The following CNTN4 variants were observed in gnomAD, a reference collection of about 807,000 sequenced individuals.
The protein encoded by CNTN4 is contactin 4, also known as contactin-4.
A neutral mutation model predicts 122.5 loss-of-function variants in CNTN4; 77 were observed. That is an observed-to-expected ratio of 0.63 (90% CI 0.52 to 0.76). CNTN4 has a LOEUF of 0.76. Among genes scored for constraint, CNTN4 ranks in the 30% least tolerant of loss-of-function variants. The probability of loss-of-function intolerance (pLI) is 0.00; values close to 1 mark genes in which losing one functional copy is unlikely to be tolerated. For synonymous variants in CNTN4, 512 were observed against 447.0 expected (o/e 1.15, Z -1.83); for missense variants, 1,256 against 1,259.1 (o/e 1.00, Z 0.04).
At chr3:2,164,164 C>G (rs1197185614) in intron 2 of CNTN4, among the ~76,000 whole-genome samples, 1 of 150,928 alleles carries the variant, frequency 6.6e-6, no homozygotes, top group Non-Finnish European at 1.5e-5. Flanking sequence ...ACCCCCACAA[C>G]TATTGAAATA....
At chr3:2,518,870 T>C in intron 3 of CNTN4, among the ~76,000 whole-genome samples, 1 of 152,086 alleles carries the variant, frequency 6.6e-6, no homozygotes, top group Non-Finnish European at 1.5e-5. Context: ...TACAGATTTT[T>C]CACATTTACA....
At chr3:2,329,473 C>G (rs778620419) in intron 2 of CNTN4, among the ~76,000 whole-genome samples, 2 of 152,198 alleles carry the variant, frequency 1.3e-5, no homozygotes, top group Non-Finnish European at 2.9e-5. Context: ...ATGCTTTACA[C>G]CTTACATTTT....
intron 12 of CNTN4, among the ~76,000 whole-genome samples, chr3:2,907,965 A>T (rs927102653): frequency 6.6e-6 from 1 of 152,164 alleles, no homozygotes; most frequent in Non-Finnish European, 1.5e-5. Context: ...CTTGTCTGTG[A>T]CTGAACTATG....
At chr3:2,399,309 T>C (rs1331871956) in intron 3 of CNTN4, among the ~76,000 whole-genome samples, 2 of 152,212 alleles carry the variant, frequency 1.3e-5, no homozygotes, top group African/African-American at 2.4e-5. Context: ...TAGTGTCTTA[T>C]GTTATTTTTG....
intron 2 of CNTN4, among the ~76,000 whole-genome samples, chr3:2,127,376 T>G (rs2034226739): frequency 6.6e-6 from 1 of 152,128 alleles, no homozygotes; most frequent in Non-Finnish European, 1.5e-5. Context: ...TTTAATAAAC[T>G]CAATATTTGA....
chr3:2,993,299 ATT>A (rs576176618), intron 14 of CNTN4, among the ~76,000 whole-genome samples: 4 of 143,866 alleles, frequency 2.8e-5, no homozygotes, highest in Non-Finnish European at 3.1e-5. Context: ...AGACTGTGTA[ATT>A]TTTTTTTTTT....
intron 13 of CNTN4, among the ~76,000 whole-genome samples, chr3:2,940,662 G>A (rs2094607165): frequency 1.3e-5 from 2 of 152,088 alleles, no homozygotes; most frequent in Admixed American, 1.3e-4. Context: ...ATCAATTATT[G>A]TGGGAAATGA....
At chr3:2,133,002 C>G (rs1174528609) in intron 2 of CNTN4, among the ~76,000 whole-genome samples, 1 of 151,802 alleles carries the variant, frequency 6.6e-6, no homozygotes, top group Non-Finnish European at 1.5e-5. Flanking sequence ...AAAAACAAGA[C>G]AATGAAACAA....
chr3:2,685,589 C>G (rs972394328), intron 4 of CNTN4, among the ~76,000 whole-genome samples: 4 of 152,074 alleles, frequency 2.6e-5, no homozygotes, highest in Non-Finnish European at 5.9e-5. Flanking sequence ...ATTAAAAACC[C>G]AAGTAATCTT....
At chr3:2,099,964 A>T (rs999225012) in intron 1 of CNTN4, among the ~76,000 whole-genome samples, 4 of 152,186 alleles carry the variant, frequency 2.6e-5, no homozygotes, top group Non-Finnish European at 4.4e-5. Context: ...CCAGCCAGAG[A>T]GTCGGCTGCA....
chr3:2,734,395 G>T (rs1280186991), intron 4 of CNTN4, among the ~76,000 whole-genome samples: 1 of 152,098 alleles, frequency 6.6e-6, no homozygotes, highest in Non-Finnish European at 1.5e-5. Context: ...AAGAATCACT[G>T]GCCTAGTCTA....
At chr3:2,154,924 C>G (rs2035654095) in intron 2 of CNTN4, among the ~76,000 whole-genome samples, 1 of 152,212 alleles carries the variant, frequency 6.6e-6, no homozygotes, top group Admixed American at 6.5e-5. Flanking sequence ...AAGTGCTGCT[C>G]ATGGTAAATA....
At chr3:2,867,119 C>T (rs1467723110) in intron 8 of CNTN4, among the ~76,000 whole-genome samples, 170 bp downstream of exon 8, 1 of 152,148 alleles carries the variant, frequency 6.6e-6, no homozygotes, top group Non-Finnish European at 1.5e-5. Context: ...AAGAGATAAA[C>T]CCATGAATCC....
intron 4 of CNTN4, among the ~76,000 whole-genome samples, chr3:2,673,109 G>C (rs1283968109): frequency 6.6e-6 from 1 of 152,184 alleles, no homozygotes; most frequent in Non-Finnish European, 1.5e-5. Flanking sequence ...ATACAGGGCA[G>C]TGGTAGAATT....
chr3:2,863,185 C>T (rs1451060293), intron 7 of CNTN4, among the ~76,000 whole-genome samples: 1 of 152,042 alleles, frequency 6.6e-6, no homozygotes, highest in East Asian at 1.9e-4. Context: ...AAGAGATAAA[C>T]AAATAAAAAT....
intron 3 of CNTN4, among the ~76,000 whole-genome samples, chr3:2,345,777 A>C (rs575524379): frequency 6.6e-6 from 1 of 152,138 alleles, no homozygotes; most frequent in Non-Finnish European, 1.5e-5. Context: ...CACCACAACT[A>C]ATTTATTGTG....
At chr3:2,952,768 C>T (rs1305021670) in intron 13 of CNTN4, among the ~76,000 whole-genome samples, 1 of 152,134 alleles carries the variant, frequency 6.6e-6, no homozygotes, top group Non-Finnish European at 1.5e-5. Context: ...TACTACAGTT[C>T]ACATCAATTG....
chr3:2,114,553 G>C (rs2033206185), intron 2 of CNTN4, among the ~76,000 whole-genome samples: 1 of 152,170 alleles, frequency 6.6e-6, no homozygotes, highest in Non-Finnish European at 1.5e-5. Flanking sequence ...GAATGCCAAA[G>C]GTATGAGTGG....
chr3:2,436,362 G>A (rs1026139113), intron 3 of CNTN4, among the ~76,000 whole-genome samples: 3 of 152,068 alleles, frequency 2.0e-5, no homozygotes, highest in Non-Finnish European at 2.9e-5. Context: ...AGACAGGAAA[G>A]GCAGTGAGTG....
Sources: allele counts gnomAD v4.1 joint callset (sites outside exome capture counted in the v4.1 genomes callset), GRCh38; gene constraint gnomAD v4.1.1; transcripts MANE v1.5; gene names NCBI Gene and HGNC (gene_info 2026-07-23, HGNC 2026-07-21).